Variants in SLC6A6 observed in about 807,000 individuals in gnomAD.
The protein encoded by SLC6A6 is sodium- and chloride-dependent taurine transporter.
Under a neutral mutation model 68.8 loss-of-function variants are expected in SLC6A6, and 16 were observed. The ratio of observed to expected loss-of-function variants is 0.23; its 90% CI spans 0.16 to 0.35. The LOEUF is 0.35. Ranked by LOEUF, SLC6A6 falls within the 10% of genes least tolerant of loss-of-function variation. The pLI is 1.00. For missense variants in SLC6A6, 474 were observed against 802.8 expected (o/e 0.59, Z 4.95); for synonymous variants, 312 against 315.4 (o/e 0.99, Z 0.12).
At position 14,447,718 on chromosome 3, in the gene SLC6A6, C is replaced by T; in HGVS notation, c.501C>T (p.Asn167=). Residue 167 remains asparagine, a synonymous_variant, in exon 5 of 15, where the codon AAC becomes AAT. Coordinates refer to ENST00000622186, the MANE Select transcript of SLC6A6 (RefSeq NM_003043.6). The part of the protein sequence containing the change: ...LPWAHCNHSW[N]TPHCMEDTMR... ...GGGCACACTGCAACCACAGCTGGAA[C>T]ACACCTCACTGCATGGAGGACACCA... 6.2e-7 allele frequency: 1 copy of T among 1,614,266 alleles called. No individual in the cohort carries two copies. The highest frequency in any genetic ancestry group is 8.5e-7 in the Non-Finnish European group (1 of 1,180,038).
chr3:14,468,048 G>A lies in SLC6A6; in HGVS notation c.972-40G>A. On this transcript the variant is annotated intron_variant, in intron 8 of 14. Transcript: ENST00000622186. This position sits in a 1 kb window ranked among gnomAD's most constrained non-coding sequence, Gnocchi z 4.5. ...GAAGTAGGGAGCGTGGCTTCCTTGTGTTGTGAATTAACTTGCTCCCTGACA... is the reference window on the plus strand; with the variant it reads ...GAAGTAGGGAGCGTGGCTTCCTTGTATTGTGAATTAACTTGCTCCCTGACA... 2 of 1,613,978 alleles carry A rather than the reference G, an allele frequency of 1.2e-6. No homozygotes were observed. The highest frequency in any genetic ancestry group is 1.7e-6 in the Non-Finnish European group (2 of 1,179,864).
At position 14,405,215 on chromosome 3, in the gene SLC6A6, C is replaced by T. The variant is rs369992071; in HGVS notation, c.-54+2368C>T. Among the ~76,000 whole-genome samples the T allele has an allele frequency of 3.1e-3, 471 of 152,208 alleles. 27 individuals are homozygous for T. In the South Asian group the frequency reaches 0.094, roughly 30 times the overall value. On this transcript the variant is annotated intron_variant, in intron 1 of 14. Transcript: ENST00000622186. The stretch of plus-strand genomic sequence containing the variant: ...GTGAGCCTATGGGACCCATTTGCAC[C>T]TTGCTTCTGTCCCTAGTTACTCATT...
At chr3:14,475,247 G>A (rs1700847386) in intron 10 of SLC6A6, among the ~76,000 whole-genome samples, 2 of 151,950 alleles carry the variant, frequency 1.3e-5, no homozygotes, top group East Asian at 1.9e-4. Flanking sequence ...GGCCAGGCTG[G>A]TCTCGAACTC....
chr3:14,429,073 G>T (rs1265790118), intron 2 of SLC6A6, among the ~76,000 whole-genome samples: 1 of 152,124 alleles, frequency 6.6e-6, no homozygotes, highest in Non-Finnish European at 1.5e-5. Context: ...GGTCTCCAAG[G>T]CTTCTCCCCC....
At chr3:14,470,856 A>AC (rs554812814) in intron 9 of SLC6A6, among the ~76,000 whole-genome samples, 402 of 151,926 alleles carry the variant, frequency 2.6e-3, no homozygotes, top group African/African-American at 9.3e-3. Context: ...GGGCTTGGTA[A>AC]CCCCCGCTCC....
At chr3:14,463,403 G>T (rs939486306) in intron 6 of SLC6A6, among the ~76,000 whole-genome samples, 1 of 152,214 alleles carries the variant, frequency 6.6e-6, no homozygotes, top group African/African-American at 2.4e-5. Flanking sequence ...AACTAACTAC[G>T]TGAAAACAAA....
At position 14,477,480 on chromosome 3, in the gene SLC6A6, G is replaced by A; in HGVS notation, c.1347+138G>A. 2.4e-6 allele frequency: 2 copies of A among 845,118 alleles called. No homozygotes were observed. The highest frequency in any genetic ancestry group is 1.6e-5 in the South Asian group (1 of 62,760). 52.4% of individuals were successfully genotyped at this position (845,118 alleles called of 1,614,324 possible). On this transcript the variant is annotated intron_variant, in intron 11 of 14. Transcript: ENST00000622186. This position sits in a 1 kb window ranked among gnomAD's most constrained non-coding sequence, Gnocchi z 4.2. ...CCCACCCAATTCAGGGGTCCTGCTTGGACCAACACTGGGGGTAGCACGAGG... is the reference window on the plus strand; with the variant it reads ...CCCACCCAATTCAGGGGTCCTGCTTAGACCAACACTGGGGGTAGCACGAGG...
intron 5 of SLC6A6, among the ~76,000 whole-genome samples, chr3:14,454,842 G>A (rs1265212620): frequency 6.6e-6 from 1 of 152,154 alleles, no homozygotes; most frequent in Non-Finnish European, 1.5e-5. Context: ...AAGTACAAAT[G>A]TGTCTCTGTC....
At chr3:14,440,082 C>T (rs1471763568) in intron 2 of SLC6A6, among the ~76,000 whole-genome samples, 1 of 152,176 alleles carries the variant, frequency 6.6e-6, no homozygotes, top group Non-Finnish European at 1.5e-5. Flanking sequence ...AATGTAGTTG[C>T]TGTGCATGGA....
chr3:14,471,612 G>T (rs560000457), intron 9 of SLC6A6, among the ~76,000 whole-genome samples: 2 of 152,154 alleles, frequency 1.3e-5, no homozygotes, highest in Non-Finnish European at 2.9e-5. Context: ...TCAGCTTTGG[G>T]CCCTGGTTGG....
At chr3:14,431,287 T>C (rs546030151) in intron 2 of SLC6A6, among the ~76,000 whole-genome samples, 44 of 152,348 alleles carry the variant, frequency 2.9e-4, no homozygotes, top group African/African-American at 8.7e-4. Flanking sequence ...CGTGGAAGGC[T>C]GTTTCTCCCT....
chr3:14,443,517 C>T, intron 2 of SLC6A6, 107 bp from the exon 3 acceptor site: 2 of 756,348 alleles, frequency 2.6e-6, no homozygotes, highest in Non-Finnish European at 4.5e-6. Context: ...TTGCCACAGG[C>T]CCGGGCAGGT....
At position 14,457,267 on chromosome 3, in the gene SLC6A6, C is replaced by A. The variant is rs555056555; in HGVS notation, c.600-683C>A. ...ACCGTTTACCTGCCTCTCTCTGAGACCCTCAAAACCCTGGCAGGGCAGGGG... is the reference window on the plus strand; with the variant it reads ...ACCGTTTACCTGCCTCTCTCTGAGAACCTCAAAACCCTGGCAGGGCAGGGG... On this transcript the variant is annotated intron_variant, in intron 5 of 14. Coordinates refer to ENST00000622186, the MANE Select transcript of SLC6A6 (RefSeq NM_003043.6). Among the ~76,000 whole-genome samples, 5 of 152,274 alleles carry A rather than the reference C, an allele frequency of 3.3e-5. No individual in the cohort carries two copies. The South Asian group carries it at 1.0e-3, about 32-fold the overall frequency.
intron 1 of SLC6A6, among the ~76,000 whole-genome samples, chr3:14,407,576 C>G (rs917291964): frequency 6.7e-6 from 1 of 150,282 alleles, no homozygotes; most frequent in South Asian, 2.1e-4. Context: ...GGCATGATCT[C>G]TACTGCAGCC....
At chr3:14,431,434 G>A (rs994717050) in intron 2 of SLC6A6, among the ~76,000 whole-genome samples, 26 of 152,198 alleles carry the variant, frequency 1.7e-4, no homozygotes, top group African/African-American at 5.6e-4. Flanking sequence ...AACAGTACAG[G>A]CTGGGAACGC....
At chr3:14,420,421 T>C (rs1377456656) in intron 2 of SLC6A6, among the ~76,000 whole-genome samples, 1 of 152,184 alleles carries the variant, frequency 6.6e-6, no homozygotes, top group East Asian at 1.9e-4. Flanking sequence ...ACTAAAGCAG[T>C]GTTTATTTAA....
chr3:14,451,188 T>TA (rs1285160579), intron 5 of SLC6A6, among the ~76,000 whole-genome samples: 1 of 152,254 alleles, frequency 6.6e-6, no homozygotes, highest in Non-Finnish European at 1.5e-5. Flanking sequence ...GATCTCACCC[T>TA]GGCAGAAAGG....
intron 2 of SLC6A6, among the ~76,000 whole-genome samples, chr3:14,442,241 C>G (rs1451833559): frequency 6.6e-6 from 1 of 152,204 alleles, no homozygotes; most frequent in African/African-American, 2.4e-5. Context: ...TCTCTGAAAT[C>G]TGATTATTTC....
chr3:14,424,983 C>T (rs7611542), intron 2 of SLC6A6, among the ~76,000 whole-genome samples: 7,332 of 152,190 alleles, frequency 0.048, 432 homozygotes, highest in African/African-American at 0.15. Context: ...ATCTGGAGCC[C>T]AGGGGTGTTT....
Sources: allele counts gnomAD v4.1 joint callset (sites outside exome capture counted in the v4.1 genomes callset), GRCh38; gene constraint gnomAD v4.1.1; non-coding constraint Gnocchi (gnomAD v3.1); transcripts MANE v1.5; gene names NCBI Gene and HGNC (gene_info 2026-07-23, HGNC 2026-07-21).